The following ACSM3 variants were observed in gnomAD, a reference collection of about 807,000 sequenced individuals.
ACSM3 encodes acyl-coenzyme A synthetase ACSM3, mitochondrial.
ACSM3 carries 61 observed loss-of-function variants against 74.1 expected under a neutral mutation model. The ratio of observed to expected loss-of-function variants is 0.82; its 90% CI spans 0.67 to 1.02. The LOEUF is 1.02. Ranked by LOEUF, ACSM3 falls within the 50% of genes least tolerant of loss-of-function variation. ACSM3 has a pLI of 0.00. For synonymous variants in ACSM3, 213 were observed against 241.5 expected (o/e 0.88, Z 1.09); for missense variants, 660 against 697.0 (o/e 0.95, Z 0.60).
At chr16:20,770,315 A>G in intron 2 of ACSM3, 62 bp downstream of exon 2, 1 of 1,383,088 alleles carries the variant, frequency 7.2e-7, no homozygotes, top group Non-Finnish European at 1.0e-6. Flanking sequence ...ACCCCTAGGT[A>G]ACATCTCTAA....
At chr16:20,724,270 T>A (rs1217613456) in intron 1 of ACSM3, among the ~76,000 whole-genome samples, 1 of 152,164 alleles carries the variant, frequency 6.6e-6, no homozygotes, top group Non-Finnish European at 1.5e-5. Context: ...ACAGAACCAA[T>A]GACAAAAATC....
At chr16:20,742,333 T>G (rs917422583) in intron 1 of ACSM3, among the ~76,000 whole-genome samples, 13 of 152,266 alleles carry the variant, frequency 8.5e-5, no homozygotes, top group African/African-American at 1.4e-4. Context: ...CCCTCGTGAC[T>G]GGGCCTCATG....
chr16:20,677,319 A>G (rs1244532110), intron 1 of ACSM3, among the ~76,000 whole-genome samples: 1 of 152,172 alleles, frequency 6.6e-6, no homozygotes, highest in Non-Finnish European at 1.5e-5. Flanking sequence ...CATAAGTGAA[A>G]GGGAGGCCAT....
At chr16:20,795,768 A>T (rs542482714) in intron 12 of ACSM3, among the ~76,000 whole-genome samples, 16 of 152,192 alleles carry the variant, frequency 1.1e-4, no homozygotes, top group Admixed American at 2.0e-4. Context: ...GTGCCCTAGG[A>T]GAGAAAATGA....
chr16:20,764,190 A>C (rs1173324654), intron 1 of ACSM3, 65 bp downstream of exon 1: 3 of 152,230 alleles, frequency 2.0e-5, no homozygotes, highest in African/African-American at 7.2e-5. Flanking sequence ...TTTTGAGCAA[A>C]GATAACAAAC....
At chr16:20,757,814 A>G (rs2080044014) in intron 3 of ACSM3, among the ~76,000 whole-genome samples, 1 of 151,712 alleles carries the variant, frequency 6.6e-6, no homozygotes, top group Non-Finnish European at 1.5e-5. Context: ...CGTCCCATCA[A>G]TACCTAATTT....
chr16:20,751,943 G>T (rs2079991716), intron 2 of ACSM3, among the ~76,000 whole-genome samples: 1 of 152,022 alleles, frequency 6.6e-6, no homozygotes, highest in South Asian at 2.1e-4. Flanking sequence ...CTTATTTCAA[G>T]GTTGTTTTCT....
chr16:20,706,369 T>G (rs2079728291), intron 1 of ACSM3, among the ~76,000 whole-genome samples: 1 of 152,230 alleles, frequency 6.6e-6, no homozygotes, highest in Non-Finnish European at 1.5e-5. Flanking sequence ...AAATTACCAC[T>G]GACTTCTCTA....
intron 1 of ACSM3, chr16:20,737,133 C>A: frequency 6.2e-7 from 1 of 1,614,176 alleles, no homozygotes; most frequent in Non-Finnish European, 8.5e-7. Flanking sequence ...ATCCTTAGGG[C>A]TCTTCACCAC....
intron 1 of ACSM3, among the ~76,000 whole-genome samples, chr16:20,692,090 G>C (rs2079659681): frequency 6.6e-6 from 1 of 152,128 alleles, no homozygotes; most frequent in Non-Finnish European, 1.5e-5. Context: ...TCTGTCACTT[G>C]AGACTATAAA....
chr16:20,782,753 G>A (rs1384064775), intron 7 of ACSM3, among the ~76,000 whole-genome samples: 1 of 152,158 alleles, frequency 6.6e-6, no homozygotes, highest in Admixed American at 6.5e-5. Flanking sequence ...CCTTCCTTGG[G>A]TTTAGTAATT....
chr16:20,795,659 T>C (rs2080707200), intron 12 of ACSM3, among the ~76,000 whole-genome samples: 2 of 152,196 alleles, frequency 1.3e-5, no homozygotes, highest in East Asian at 1.9e-4. Context: ...CATCATTCCA[T>C]AGCCAGCTCC....
At chr16:20,760,998 A>G (rs1449520390), upstream of ACSM3, among the ~76,000 whole-genome samples, 2 of 152,132 alleles carry the variant, frequency 1.3e-5, no homozygotes, top group Non-Finnish European at 2.9e-5. Flanking sequence ...CTTTCAACCA[A>G]TTGCCAATCA....
chr16:20,751,267 G>T (rs2079987359), intron 2 of ACSM3, among the ~76,000 whole-genome samples: 1 of 152,302 alleles, frequency 6.6e-6, no homozygotes, highest in South Asian at 2.1e-4. Flanking sequence ...AAATGTACAT[G>T]AAACAGAATT....
At chr16:20,698,676 T>C (rs967235555) in intron 1 of ACSM3, among the ~76,000 whole-genome samples, 5 of 152,034 alleles carry the variant, frequency 3.3e-5, no homozygotes, top group African/African-American at 1.2e-4. Context: ...ACCCAGTTAA[T>C]TTTTGTATTT....
intron 1 of ACSM3, chr16:20,734,133 AAAAC>A (rs1365322793): frequency 1.1e-4 from 17 of 152,594 alleles, no homozygotes; most frequent in African/African-American, 3.9e-4. Flanking sequence ...AGACAATTTA[AAAAC>A]AAACTGTATA....
chr16:20,678,043 TG>T (rs2079346507), intron 1 of ACSM3, among the ~76,000 whole-genome samples: 2 of 151,398 alleles, frequency 1.3e-5, no homozygotes, highest in African/African-American at 4.9e-5. Flanking sequence ...AATAAATAAA[TG>T]AGACAAAGAG....
intron 1 of ACSM3, among the ~76,000 whole-genome samples, chr16:20,692,899 A>C (rs183816968): frequency 1.3e-5 from 2 of 152,094 alleles, no homozygotes; most frequent in Non-Finnish European, 2.9e-5. Flanking sequence ...GGCCAGGCAC[A>C]GTGGCTCATG....
At chr16:20,683,287 T>A (rs1048182003) in intron 1 of ACSM3, among the ~76,000 whole-genome samples, 19 of 151,982 alleles carry the variant, frequency 1.3e-4, no homozygotes, top group East Asian at 5.8e-4. Context: ...CCAGCTATTT[T>A]TTATTATTAT....
Sources: gnomAD v4.1 joint callset for allele counts (sites outside exome capture counted in the v4.1 genomes callset) on GRCh38, gnomAD v4.1.1 for gene constraint, MANE v1.5 for transcripts, NCBI Gene and HGNC (gene_info 2026-07-23, HGNC 2026-07-21) for gene names.